SLC22A15: variants seen among roughly 807,000 people sequenced by gnomAD.
SLC22A15 encodes flipt 1.
A neutral mutation model predicts 62.7 loss-of-function variants in SLC22A15; 45 were observed. That is an observed-to-expected ratio of 0.72 (90% CI 0.56 to 0.92). The LOEUF (loss-of-function observed/expected upper bound fraction) is 0.92, where lower values mean the gene tolerates loss of function less well. SLC22A15 is among the 40% of genes least tolerant of loss of function. SLC22A15 has a pLI of 0.00. For synonymous variants in SLC22A15, 264 were observed against 267.0 expected (o/e 0.99, Z 0.11); for missense variants, 622 against 665.6 (o/e 0.93, Z 0.72).
chr1:116,035,159 C>T, intron 6 of SLC22A15, 28 bp from the exon 7 acceptor site: 18 of 1,601,998 alleles, frequency 1.1e-5, no homozygotes, highest in Non-Finnish European at 1.5e-5. Context: ...TGTCTTTTAC[C>T]TCCTGGTCCT....
intron 2 of SLC22A15, among the ~76,000 whole-genome samples, chr1:116,008,774 T>C (rs958843167): frequency 1.3e-5 from 2 of 152,174 alleles, no homozygotes; most frequent in African/African-American, 4.8e-5. Flanking sequence ...CTGGGTGACC[T>C]CCTCAGTGCC....
chr1:116,026,383 G>T (rs1316594988), intron 4 of SLC22A15, among the ~76,000 whole-genome samples: 4 of 151,792 alleles, frequency 2.6e-5, no homozygotes, highest in Non-Finnish European at 5.9e-5. Context: ...CCAAGATCTT[G>T]CCACTGCACT....
intron 8 of SLC22A15, among the ~76,000 whole-genome samples, chr1:116,046,889 G>A (rs72996755): frequency 0.05 from 7,538 of 152,204 alleles, 255 homozygotes; most frequent in African/African-American, 0.089. Flanking sequence ...CTGGGAGCTC[G>A]CTGGTTCCCT....
chr1:116,052,221 G>A (rs933101815), intron 8 of SLC22A15, among the ~76,000 whole-genome samples: 2 of 152,136 alleles, frequency 1.3e-5, no homozygotes, highest in Admixed American at 6.6e-5. Context: ...CTTTTCTGAC[G>A]GGCTTAGGAA....
intron 8 of SLC22A15, among the ~76,000 whole-genome samples, chr1:116,060,938 A>G (rs796283726): frequency 2.6e-5 from 4 of 152,240 alleles, no homozygotes; most frequent in African/African-American, 9.6e-5. Flanking sequence ...TTCAAGACAC[A>G]CTCTTTAAAG....
chr1:116,041,386 A>G (rs1342894119), intron 8 of SLC22A15, among the ~76,000 whole-genome samples: 2 of 152,232 alleles, frequency 1.3e-5, no homozygotes, highest in African/African-American at 4.8e-5. Flanking sequence ...ACAAAATGCT[A>G]TGGGAACTTT....
intron 2 of SLC22A15, among the ~76,000 whole-genome samples, chr1:116,011,644 A>G (rs1656261967): frequency 6.6e-6 from 1 of 152,202 alleles, no homozygotes; most frequent in Non-Finnish European, 1.5e-5. Context: ...AGACAAATGG[A>G]CACACTTCAC....
At chr1:116,043,266 A>T (rs1207401413) in intron 8 of SLC22A15, among the ~76,000 whole-genome samples, 1 of 152,154 alleles carries the variant, frequency 6.6e-6, no homozygotes, top group African/African-American at 2.4e-5. Context: ...TCTAATAAAA[A>T]TACAAAAATA....
chr1:116,050,234 A>T (rs951702802), intron 8 of SLC22A15, among the ~76,000 whole-genome samples: 1 of 152,174 alleles, frequency 6.6e-6, no homozygotes, highest in African/African-American at 2.4e-5. Context: ...ACCTTCCCTA[A>T]CTCATTCTAT....
chr1:115,998,336 T>C (rs1273692261), intron 2 of SLC22A15, among the ~76,000 whole-genome samples: 3 of 152,130 alleles, frequency 2.0e-5, no homozygotes, highest in Non-Finnish European at 2.9e-5. Flanking sequence ...TCTTCCTCTA[T>C]TTTTTGGAGT....
At chr1:116,011,578 G>A (rs1321027006) in intron 2 of SLC22A15, among the ~76,000 whole-genome samples, 3 of 152,192 alleles carry the variant, frequency 2.0e-5, no homozygotes, top group Non-Finnish European at 4.4e-5. Flanking sequence ...GACACTGTAA[G>A]TTTAGCATGG....
chr1:115,985,945 CAAAA>C (rs35381675), intron 1 of SLC22A15, among the ~76,000 whole-genome samples: 1 of 114,444 alleles, frequency 8.7e-6, no homozygotes, highest in Non-Finnish European at 1.7e-5. Flanking sequence ...GACTCCATCT[CAAAA>C]AAAAAAAAAA....
In SLC22A15 at chr1:116,021,910, C is replaced by T. The variant is rs548066314; in HGVS notation, c.598+1025C>T. Among the ~76,000 whole-genome samples the T allele has an allele frequency of 2.0e-5, 3 of 152,328 alleles. No individual in the cohort carries two copies. The East Asian group carries it at 5.8e-4, about 29-fold the overall frequency. Reference sequence around the variant, plus strand: ...TCTTCCACTGTTCCCCAAAGACTCTCCTCTTGGAACTTCAGCATGTCACCT... The same window carrying T: ...TCTTCCACTGTTCCCCAAAGACTCTTCTCTTGGAACTTCAGCATGTCACCT... On this transcript the variant is annotated intron_variant, in intron 4 of 11. Transcript: ENST00000369503.
chr1:116,032,939 C>G (rs1657478954), intron 6 of SLC22A15: 1 of 152,278 alleles, frequency 6.6e-6, no homozygotes, highest in Non-Finnish European at 1.5e-5. Context: ...TGTATATTAA[C>G]TTCTGGGTTC....
At chr1:116,057,982 C>G (rs530091009) in intron 8 of SLC22A15, among the ~76,000 whole-genome samples, 16 of 151,820 alleles carry the variant, frequency 1.1e-4, no homozygotes, top group African/African-American at 3.6e-4. Flanking sequence ...GGGTGCAGCA[C>G]ACCAACATGG....
At chr1:116,004,641 T>C (rs1319423448) in intron 2 of SLC22A15, among the ~76,000 whole-genome samples, 1 of 152,192 alleles carries the variant, frequency 6.6e-6, no homozygotes, top group Non-Finnish European at 1.5e-5. Context: ...TCTGTAGTTT[T>C]CTTTTTTGAT....
chr1:116,037,968 A>G (rs903955988), intron 8 of SLC22A15, among the ~76,000 whole-genome samples: 2 of 152,252 alleles, frequency 1.3e-5, no homozygotes, highest in Non-Finnish European at 2.9e-5. Flanking sequence ...CACAGCTTCA[A>G]GAAGGATCCC....
chr1:116,007,621 T>C (rs1288895841), intron 2 of SLC22A15, among the ~76,000 whole-genome samples: 1 of 152,150 alleles, frequency 6.6e-6, no homozygotes, highest in African/African-American at 2.4e-5. Flanking sequence ...CTAACCACTT[T>C]TTAAAAATGC....
chr1:116,041,969 G>T (rs1657799636), intron 8 of SLC22A15, among the ~76,000 whole-genome samples: 1 of 150,076 alleles, frequency 6.7e-6, no homozygotes, highest in African/African-American at 2.5e-5. Flanking sequence ...TGTTTGTTTT[G>T]CCATAAAAGT....
Sources: gnomAD v4.1 joint callset for allele counts (sites outside exome capture counted in the v4.1 genomes callset) on GRCh38, gnomAD v4.1.1 for gene constraint, MANE v1.5 for transcripts, NCBI Gene and HGNC (gene_info 2026-07-23, HGNC 2026-07-21) for gene names.